Variants in ASPRV1 observed in about 807,000 individuals in gnomAD.
ASPRV1 encodes retroviral-like aspartic protease 1.
A neutral mutation model predicts 11.0 loss-of-function variants in ASPRV1; 7 were observed. The ratio of observed to expected loss-of-function variants is 0.64; its 90% CI spans 0.36 to 1.20. ASPRV1 has a LOEUF of 1.20. Ranked by LOEUF, ASPRV1 falls within the 50% of genes most tolerant of loss-of-function variation. ASPRV1 has a pLI of 0.02. For synonymous variants in ASPRV1, 136 were observed against 138.4 expected (o/e 0.98, Z 0.12); for missense variants, 299 against 320.0 (o/e 0.93, Z 0.50).
the ASPRV1 span, among the ~76,000 whole-genome samples, chr2:70,063,202 C>T: frequency 3.3e-5 from 5 of 152,162 alleles, no homozygotes; most frequent in Non-Finnish European, 7.4e-5. Flanking sequence ...CAGGGACTAG[C>T]GCTACCCCTC....
the ASPRV1 span, among the ~76,000 whole-genome samples, chr2:70,041,308 T>C: frequency 1.3e-5 from 2 of 152,208 alleles, no homozygotes; most frequent in Non-Finnish European, 2.9e-5. Flanking sequence ...GCTGTGCTGG[T>C]TGGGAATGGC....
At chr2:69,935,792 C>G in the ASPRV1 span, among the ~76,000 whole-genome samples, 1 of 152,182 alleles carries the variant, frequency 6.6e-6, no homozygotes, top group South Asian at 2.1e-4. Flanking sequence ...ATCTTCATCC[C>G]CACTGTCTAC....
chr2:69,958,233 G>A (rs138296117), downstream of ASPRV1, among the ~76,000 whole-genome samples: 281 of 152,154 alleles, frequency 1.8e-3, no homozygotes, highest in Middle Eastern at 0.037. Context: ...AGCCTCACTC[G>A]GGTCTCCCAG....
the ASPRV1 span, among the ~76,000 whole-genome samples, chr2:70,064,254 C>T: frequency 6.6e-6 from 1 of 152,150 alleles, no homozygotes; most frequent in African/African-American, 2.4e-5. Context: ...CCCTGACATC[C>T]TAAAGCACAG....
chr2:70,040,694 C>T, the ASPRV1 span, among the ~76,000 whole-genome samples: 58 of 151,978 alleles, frequency 3.8e-4, no homozygotes, highest in Non-Finnish European at 6.9e-4. Context: ...ATTAGCCGGG[C>T]GCAGTGGCAG....
chr2:69,983,890 A>G, the ASPRV1 span, among the ~76,000 whole-genome samples: 1 of 152,146 alleles, frequency 6.6e-6, no homozygotes, highest in Non-Finnish European at 1.5e-5. Flanking sequence ...ACTGTCTGAG[A>G]GATTTGAACC....
chr2:69,949,391 C>G, the ASPRV1 span, among the ~76,000 whole-genome samples: 1 of 152,166 alleles, frequency 6.6e-6, no homozygotes, highest in Non-Finnish European at 1.5e-5. Flanking sequence ...TGGCCCCAAG[C>G]AGAGGTGATG....
the ASPRV1 span, chr2:69,941,173 CTT>C: frequency 6.6e-6 from 1 of 152,308 alleles, no homozygotes; most frequent in African/African-American, 2.4e-5. Context: ...AAACTGCACT[CTT>C]ATTGATACCA....
chr2:70,038,553 C>T, the ASPRV1 span, among the ~76,000 whole-genome samples: 1 of 151,896 alleles, frequency 6.6e-6, no homozygotes, highest in African/African-American at 2.4e-5. Flanking sequence ...GCACTTCACT[C>T]CAGCCTTGGC....
the ASPRV1 span, among the ~76,000 whole-genome samples, chr2:69,971,637 G>A: frequency 6.6e-5 from 10 of 152,206 alleles, no homozygotes; most frequent in Non-Finnish European, 8.8e-5. Context: ...CAGACAGTGC[G>A]GGGTGCTAAG....
chr2:70,027,231 C>G, the ASPRV1 span, among the ~76,000 whole-genome samples: 2 of 128,302 alleles, frequency 1.6e-5, no homozygotes, highest in Non-Finnish European at 3.1e-5. Flanking sequence ...TGCACTCAGC[C>G]TGGGCGACAG....
chr2:69,950,467 T>C, the ASPRV1 span, among the ~76,000 whole-genome samples: 1 of 152,366 alleles, frequency 6.6e-6, no homozygotes, highest in South Asian at 2.1e-4. Context: ...TCGTTTTTCT[T>C]GTGTGGTTGC....
chr2:70,062,611 A>G, the ASPRV1 span, among the ~76,000 whole-genome samples: 12 of 152,174 alleles, frequency 7.9e-5, no homozygotes, highest in Non-Finnish European at 1.6e-4. Context: ...GCCAGAGTCA[A>G]GCTGGGCATT....
the ASPRV1 span, among the ~76,000 whole-genome samples, chr2:69,982,230 G>A: frequency 1.5e-4 from 23 of 151,706 alleles, no homozygotes; most frequent in South Asian, 4.6e-3. Context: ...TATAAAGGAG[G>A]ATCATTTGAG....
At chr2:70,052,922 C>T in the ASPRV1 span, among the ~76,000 whole-genome samples, 1 of 152,054 alleles carries the variant, frequency 6.6e-6, no homozygotes, top group Admixed American at 6.6e-5. Context: ...GGTGAAAGGC[C>T]ACAGGAGGCC....
the ASPRV1 span, among the ~76,000 whole-genome samples, chr2:70,044,932 A>G: frequency 2.6e-5 from 4 of 152,222 alleles, no homozygotes; most frequent in Non-Finnish European, 4.4e-5. Context: ...GAGCCACTTA[A>G]GCAGTAAACC....
chr2:69,966,202 G>C (rs1398482366), upstream of ASPRV1, among the ~76,000 whole-genome samples: 4 of 152,230 alleles, frequency 2.6e-5, no homozygotes, highest in Non-Finnish European at 5.9e-5. Flanking sequence ...CTAACTCCTA[G>C]AAGTCCAATT....
chr2:69,973,726 T>A, the ASPRV1 span, among the ~76,000 whole-genome samples: 9 of 152,232 alleles, frequency 5.9e-5, no homozygotes, highest in East Asian at 1.7e-3. Flanking sequence ...TGGAAGAATA[T>A]TTCCTTCATT....
rs1678054974 is a variant in ASPRV1, at chr2:69,960,604, A to C, written c.*53T>G. On this transcript the variant is annotated 3_prime_UTR_variant, in exon 1 of 1. Transcript: ENST00000320256. ...CCCATGAGGATATGCAACCCCCCCCACAGCGGTGGGTCTTCCCACCAATAT... is the reference window on the plus strand; with the variant it reads ...CCCATGAGGATATGCAACCCCCCCCCCAGCGGTGGGTCTTCCCACCAATAT... The C allele has an allele frequency of 9.8e-6, 15 of 1,526,838 alleles. No individual in the cohort carries two copies. Among genetic ancestry groups the C allele is most frequent in the Non-Finnish European group, 1.3e-5 (15 of 1,132,908 alleles). 94.6% of individuals were successfully genotyped at this position (1,526,838 alleles called of 1,614,324 possible). A position where few individuals can be genotyped will look rare whatever the true frequency, so the allele number is the denominator to read the frequency against.
Sources: allele counts gnomAD v4.1 joint callset (sites outside exome capture counted in the v4.1 genomes callset), GRCh38; gene constraint gnomAD v4.1.1; transcripts MANE v1.5; gene names NCBI Gene and HGNC (gene_info 2026-07-23, HGNC 2026-07-21).